FHIT: variants seen among roughly 807,000 people sequenced by gnomAD.
FHIT encodes the protein bis(5'-adenosyl)-triphosphatase.
A neutral mutation model predicts 17.9 loss-of-function variants in FHIT; 19 were observed. The ratio of observed to expected loss-of-function variants is 1.06; its 90% CI spans 0.74 to 1.56. The LOEUF (loss-of-function observed/expected upper bound fraction) is 1.56, where lower values mean the gene tolerates loss of function less well. Among genes scored for constraint, FHIT ranks in the 40% most tolerant of loss-of-function variants. The pLI, the probability that FHIT is intolerant of heterozygous loss-of-function variation, is 0.00. For synonymous variants in FHIT, 81 were observed against 69.7 expected, an observed-to-expected ratio of 1.16 and a Z score of -0.81; for missense variants, 248 against 189.2, an observed-to-expected ratio of 1.31 and a Z score of -1.82.
intron 5 of FHIT, among the ~76,000 whole-genome samples, chr3:60,370,048 G>A (rs1700261011): frequency 6.6e-6 from 1 of 152,164 alleles, no homozygotes; most frequent in Admixed American, 6.5e-5. Flanking sequence ...TCCGCTATAG[G>A]AGTACATGAT....
At chr3:60,468,209 G>T (rs1047536092) in intron 5 of FHIT, among the ~76,000 whole-genome samples, 3 of 151,966 alleles carry the variant, frequency 2.0e-5, no homozygotes, top group Non-Finnish European at 2.9e-5. Flanking sequence ...GTGTGTTCTT[G>T]CAGGCAACAG....
At chr3:59,860,613 AGACT>A (rs1559672306) in intron 8 of FHIT, among the ~76,000 whole-genome samples, 1 of 152,212 alleles carries the variant, frequency 6.6e-6, no homozygotes, top group Non-Finnish European at 1.5e-5. Context: ...GAAAAGTATG[AGACT>A]GACTGGAGAA....
At chr3:60,025,595 C>G (rs943559655) in intron 5 of FHIT, among the ~76,000 whole-genome samples, 4 of 152,140 alleles carry the variant, frequency 2.6e-5, no homozygotes, top group Non-Finnish European at 5.9e-5. Flanking sequence ...TCATTTTAAT[C>G]TGATTCAGCA....
chr3:59,944,318 C>T (rs144575518), intron 7 of FHIT, among the ~76,000 whole-genome samples: 194 of 152,228 alleles, frequency 1.3e-3, no homozygotes, highest in African/African-American at 4.0e-3. Flanking sequence ...ACTACCATTG[C>T]GCTCAAGATA....
At chr3:61,008,045 T>C (rs2031563220) in intron 3 of FHIT, among the ~76,000 whole-genome samples, 1 of 152,136 alleles carries the variant, frequency 6.6e-6, no homozygotes, top group Non-Finnish European at 1.5e-5. Flanking sequence ...TCCACTTCCT[T>C]ATACTAATTC....
intron 5 of FHIT, among the ~76,000 whole-genome samples, chr3:60,206,311 G>C (rs1033710793): frequency 6.6e-5 from 10 of 151,894 alleles, no homozygotes; most frequent in African/African-American, 2.2e-4. Context: ...CTTATGATAA[G>C]AAAACCATAG....
intron 8 of FHIT, among the ~76,000 whole-genome samples, chr3:59,901,881 CAA>C (rs1704344994): frequency 6.6e-6 from 1 of 152,118 alleles, no homozygotes; most frequent in African/African-American, 2.4e-5. Flanking sequence ...AAAGTAGAAA[CAA>C]CTCAACTGTC....
intron 4 of FHIT, among the ~76,000 whole-genome samples, chr3:60,539,834 T>G (rs2036122566): frequency 2.0e-5 from 3 of 152,054 alleles, no homozygotes; most frequent in African/African-American, 7.2e-5. Context: ...GAGATATACC[T>G]AACGTGAATG....
intron 3 of FHIT, among the ~76,000 whole-genome samples, chr3:61,016,613 CA>C (rs906768483): frequency 6.6e-6 from 1 of 152,232 alleles, no homozygotes; most frequent in Non-Finnish European, 1.5e-5. Flanking sequence ...GTTTGTTCAA[CA>C]TTTCTTTCTG....
At chr3:60,118,114 C>T (rs540944341) in intron 5 of FHIT, among the ~76,000 whole-genome samples, 7 of 152,006 alleles carry the variant, frequency 4.6e-5, no homozygotes, top group Non-Finnish European at 1.0e-4. Context: ...ATTTTGATAT[C>T]TTATTTTTTA....
rs1009033271 is a variant in FHIT, at chr3:59,913,819, G to T, written c.348+8527C>A. On this transcript the variant is annotated intron_variant, in intron 8 of 9. Transcript: ENST00000492590. The stretch of plus-strand genomic sequence containing the variant: ...TAAATAGCAAGTTAAACATTAAACA[G>T]TTTGCAATAAACCACTATGTTGACT... Among the ~76,000 whole-genome samples, 8 of 152,136 alleles carry T rather than the reference G, an allele frequency of 5.3e-5. 1 individual carries two copies. The South Asian group carries it at 1.5e-3, about 28-fold the overall frequency.
chr3:60,098,654 C>A (rs1704067088), intron 5 of FHIT, among the ~76,000 whole-genome samples: 1 of 152,150 alleles, frequency 6.6e-6, no homozygotes, highest in Non-Finnish European at 1.5e-5. Context: ...AATTTTCTCC[C>A]ATTTTGTAGG....
chr3:61,121,662 A>C (rs753257187), intron 2 of FHIT, among the ~76,000 whole-genome samples: 37 of 152,204 alleles, frequency 2.4e-4, no homozygotes, highest in Non-Finnish European at 4.0e-4. Context: ...GACCATTGAC[A>C]CTATGAAGAA....
intron 1 of FHIT, 117 bp downstream of exon 1, chr3:61,251,184 C>A (rs1444678999): frequency 6.6e-6 from 1 of 152,358 alleles, no homozygotes; most frequent in Non-Finnish European, 1.5e-5. Flanking sequence ...AGAAGCCCAC[C>A]GCCCCGTGAG....
chr3:60,174,265 G>A (rs748822252), intron 5 of FHIT, among the ~76,000 whole-genome samples: 7 of 151,750 alleles, frequency 4.6e-5, no homozygotes, highest in Non-Finnish European at 8.8e-5. Flanking sequence ...AAAATCTTAT[G>A]GCTACACCAC....
At chr3:60,722,335 T>C (rs782804686) in intron 4 of FHIT, among the ~76,000 whole-genome samples, 4 of 152,222 alleles carry the variant, frequency 2.6e-5, no homozygotes, top group Non-Finnish European at 5.9e-5. Context: ...TTTCAGGTTA[T>C]AGACTTCAAG....
chr3:61,023,022 A>G (rs2032538189), intron 3 of FHIT, among the ~76,000 whole-genome samples: 1 of 152,144 alleles, frequency 6.6e-6, no homozygotes, highest in Non-Finnish European at 1.5e-5. Context: ...GAAATAAAGC[A>G]TATTCAAATA....
At chr3:60,467,501 T>C (rs1201807830) in intron 5 of FHIT, among the ~76,000 whole-genome samples, 1 of 152,004 alleles carries the variant, frequency 6.6e-6, no homozygotes, top group Non-Finnish European at 1.5e-5. Flanking sequence ...CCATATCTCA[T>C]AGGTTTTGAT....
At chr3:61,184,895 G>C (rs552230125) in intron 2 of FHIT, among the ~76,000 whole-genome samples, 1 of 152,244 alleles carries the variant, frequency 6.6e-6, no homozygotes, top group African/African-American at 2.4e-5. Flanking sequence ...CACATACTTA[G>C]GAGTGAATCT....
Sources: gnomAD v4.1 joint callset for allele counts (sites outside exome capture counted in the v4.1 genomes callset) on GRCh38, gnomAD v4.1.1 for gene constraint, MANE v1.5 for transcripts, NCBI Gene and HGNC (gene_info 2026-07-23, HGNC 2026-07-21) for gene names.